Variants in CALCR observed in about 807,000 individuals in gnomAD.
CALCR encodes the protein calcitonin receptor.
CALCR carries 47 observed loss-of-function variants against 59.5 expected under a neutral mutation model. The observed-to-expected ratio is 0.79, with a 90% CI of 0.63 to 1.01. The LOEUF (loss-of-function observed/expected upper bound fraction) is 1.01. Among genes scored for constraint, CALCR ranks in the 50% least tolerant of loss-of-function variants. CALCR has a pLI of 0.00. For synonymous variants in CALCR, 213 were observed against 211.3 expected, an observed-to-expected ratio of 1.01 and a Z score of -0.07; for missense variants, 566 against 597.1, an observed-to-expected ratio of 0.95 and a Z score of 0.54.
intron 7 of CALCR, among the ~76,000 whole-genome samples, chr7:93,464,305 T>TTA (rs974518973): frequency 2.6e-5 from 4 of 151,940 alleles, no homozygotes; most frequent in African/African-American, 9.7e-5. Flanking sequence ...GACAGTGTAA[T>TTA]TATAGTCACA....
Position 93,429,930 on chromosome 7 carries a change from G to GT in CALCR, c.1192-3342dup, listed in dbSNP as rs1491050136. On this transcript the variant is annotated intron_variant, in intron 13 of 13. Transcript: ENST00000426151. ...CTTTAGACGGTTTTTTTTTTTGTTT[G>GT]TTTGTTTTTTTGTTTTTTTTTGAGA... 7.7e-4 allele frequency among the ~76,000 whole-genome samples: 81 copies of GT among 105,350 alleles called. 1 individual carries two copies. Among genetic ancestry groups the GT allele is most frequent in the African/African-American group, 2.6e-3 (75 of 28,834 alleles). The allele number at this position is 105,350 out of a possible 152,430, so 69.1% of individuals were successfully genotyped here. A position where few individuals can be genotyped will look rare whatever the true frequency, so the allele number is the denominator to read the frequency against.
intron 2 of CALCR, among the ~76,000 whole-genome samples, chr7:93,505,849 C>T (rs963374805): frequency 2.0e-5 from 3 of 152,188 alleles, no homozygotes; most frequent in Admixed American, 6.5e-5. Context: ...CTTCCCTTCT[C>T]TTTGCCAGCC....
intron 2 of CALCR, among the ~76,000 whole-genome samples, chr7:93,490,398 G>A (rs1584579155): frequency 6.6e-6 from 1 of 151,712 alleles, no homozygotes; most frequent in Non-Finnish European, 1.5e-5. Context: ...GGAAATTCTG[G>A]CCAGGGCAAT....
intron 3 of CALCR, among the ~76,000 whole-genome samples, chr7:93,483,247 A>G (rs1380574818): frequency 4.6e-5 from 7 of 151,732 alleles, no homozygotes; most frequent in African/African-American, 1.7e-4. Flanking sequence ...TACCTAGTAC[A>G]ATGTAAATAT....
chr7:93,431,758 G>C (rs1799662722), intron 13 of CALCR, among the ~76,000 whole-genome samples: 1 of 152,168 alleles, frequency 6.6e-6, no homozygotes, highest in African/African-American at 2.4e-5. Context: ...GTTAAATGGA[G>C]ATGTTTCTGA....
intron 13 of CALCR, among the ~76,000 whole-genome samples, chr7:93,429,042 G>A (rs73219947): frequency 8.5e-5 from 13 of 152,080 alleles, no homozygotes; most frequent in South Asian, 2.1e-4. Flanking sequence ...GGGGCCAAAC[G>A]GTTTGATTTC....
intron 3 of CALCR, among the ~76,000 whole-genome samples, chr7:93,480,496 T>C (rs1584570088): frequency 6.6e-6 from 1 of 151,998 alleles, no homozygotes; most frequent in East Asian, 2.0e-4. Flanking sequence ...AATTCTAAGA[T>C]TGAAGTTTCT....
At chr7:93,537,911 C>T (rs1263941307) in intron 2 of CALCR, among the ~76,000 whole-genome samples, 1 of 151,678 alleles carries the variant, frequency 6.6e-6, no homozygotes, top group East Asian at 1.9e-4. Context: ...TTATGGTATC[C>T]CATTCATAAA....
chr7:93,479,882 T>C lies in CALCR; in HGVS notation c.52-375A>G, dbSNP rs1017587432. 1.1e-4 allele frequency among the ~76,000 whole-genome samples: 16 copies of C among 152,044 alleles called. No individual in the cohort carries two copies. The South Asian group carries it at 3.3e-3, about 32-fold the overall frequency. Reference sequence around the variant, plus strand: ...TATGAAATCAACTTTGCCTTACTCTTAAGAATCATGAATCATGTTATTAAA... The same window carrying C: ...TATGAAATCAACTTTGCCTTACTCTCAAGAATCATGAATCATGTTATTAAA... On this transcript the variant is annotated intron_variant, in intron 3 of 13. Coordinates refer to ENST00000426151, the MANE Select transcript of CALCR (RefSeq NM_001742.4).
intron 8 of CALCR, among the ~76,000 whole-genome samples, chr7:93,450,396 G>C (rs903577760): frequency 2.6e-5 from 4 of 151,948 alleles, no homozygotes; most frequent in Non-Finnish European, 5.9e-5. Flanking sequence ...CAAGTATGAT[G>C]TGCTCATGGA....
chr7:93,508,680 T>C (rs576601085), intron 2 of CALCR, among the ~76,000 whole-genome samples: 17 of 152,168 alleles, frequency 1.1e-4, no homozygotes, highest in African/African-American at 4.1e-4. Context: ...GGTAAATCCA[T>C]GTAGTGATCT....
chr7:93,490,295 A>C (rs1356412599), intron 2 of CALCR, among the ~76,000 whole-genome samples: 4 of 151,966 alleles, frequency 2.6e-5, no homozygotes, highest in Non-Finnish European at 4.4e-5. Flanking sequence ...CACAGCCAAT[A>C]TCACATTGAA....
rs372112185 is a variant in CALCR at position 93,524,263 on chromosome 7, T to G, written c.-26-37256A>C. Among the ~76,000 whole-genome samples, 662 of 151,072 alleles carry G rather than the reference T, an allele frequency of 4.4e-3. 1 individual carries two copies. The highest frequency in any genetic ancestry group is 7.7e-3 in the Non-Finnish European group (520 of 67,690). ...CAGCTCACTGCAAGCTCCGCCTCCC[T>G]GGTTCACGCCATTCTCCTGCCTCAG... On this transcript the variant is annotated intron_variant, in intron 2 of 13. Transcript: ENST00000426151.
chr7:93,499,633 C>T (rs1029895119), intron 2 of CALCR, among the ~76,000 whole-genome samples: 3 of 151,618 alleles, frequency 2.0e-5, no homozygotes, highest in Non-Finnish European at 4.4e-5. Flanking sequence ...GAAAAGAAAT[C>T]GCAGGACTTT....
At chr7:93,504,737 TG>T (rs1801391078) in intron 2 of CALCR, among the ~76,000 whole-genome samples, 1 of 152,174 alleles carries the variant, frequency 6.6e-6, no homozygotes, top group Non-Finnish European at 1.5e-5. Context: ...AATAACTTCA[TG>T]CCATAAGAAT....
intron 2 of CALCR, among the ~76,000 whole-genome samples, chr7:93,537,619 A>T (rs1466957084): frequency 1.3e-5 from 2 of 151,758 alleles, no homozygotes; most frequent in African/African-American, 4.8e-5. Flanking sequence ...AACAAAAATA[A>T]TTTTTATGTC....
intron 2 of CALCR, among the ~76,000 whole-genome samples, chr7:93,489,171 A>G (rs1361426461): frequency 6.6e-6 from 1 of 151,968 alleles, no homozygotes; most frequent in African/African-American, 2.4e-5. Flanking sequence ...ACTCCTGGGT[A>G]AATAATGAAA....
intron 13 of CALCR, among the ~76,000 whole-genome samples, chr7:93,428,543 G>A (rs910627214): frequency 1.3e-5 from 2 of 152,208 alleles, no homozygotes; most frequent in South Asian, 4.1e-4. Context: ...GCTCATGCCT[G>A]TAATCCCAGC....
chr7:93,479,303 A>C (rs1174316277), intron 4 of CALCR, 51 bp downstream of exon 4: 3 of 1,496,450 alleles, frequency 2.0e-6, no homozygotes, highest in Non-Finnish European at 2.7e-6. Flanking sequence ...ACAAAAGAAA[A>C]TGTCTGTAAT....
Sources: gnomAD v4.1 joint callset for allele counts (sites outside exome capture counted in the v4.1 genomes callset) on GRCh38, gnomAD v4.1.1 for gene constraint, MANE v1.5 for transcripts, NCBI Gene and HGNC (gene_info 2026-07-23, HGNC 2026-07-21) for gene names.